Variants in SSUH2 observed in about 807,000 individuals in gnomAD.
SSUH2 encodes protein SSUH2 homolog.
Under a neutral mutation model 55.3 loss-of-function variants are expected in SSUH2, and 47 were observed. The observed-to-expected ratio is 0.85, with a 90% CI of 0.67 to 1.08. The LOEUF is 1.08. Among genes scored for constraint, SSUH2 ranks in the 50% least tolerant of loss-of-function variants. SSUH2 has a pLI of 0.00. For synonymous variants in SSUH2, 212 were observed against 191.5 expected (o/e 1.11, Z -0.89); for missense variants, 535 against 490.7 (o/e 1.09, Z -0.85).
rs1379122899 is a variant in SSUH2 at position 8,673,958 on chromosome 3, G to C, written c.-752-1923C>G. 3.3e-5 allele frequency among the ~76,000 whole-genome samples: 5 copies of C among 152,076 alleles called. No homozygotes were observed. In the East Asian group the frequency reaches 9.7e-4, roughly 29 times the overall value. On this transcript the variant is annotated intron_variant, in intron 3 of 18. Transcript: ENST00000317371. The stretch of plus-strand genomic sequence containing the variant: ...AGGTATGTATACTCCCCTTGATCCC[G>C]ATAACCCTGAAAATCAGCACATGAT...
intron 1 of SSUH2, among the ~76,000 whole-genome samples, chr3:8,681,621 C>T (rs923065482): frequency 2.0e-5 from 3 of 149,430 alleles, no homozygotes; most frequent in Non-Finnish European, 4.5e-5. Flanking sequence ...CTCTTGGGAC[C>T]CCCATCGCAG....
At chr3:8,675,538 C>A (rs191598342) in intron 3 of SSUH2, among the ~76,000 whole-genome samples, 5 of 152,312 alleles carry the variant, frequency 3.3e-5, no homozygotes, top group Admixed American at 6.5e-5. Flanking sequence ...GATCTGCCGA[C>A]AGCAGGTACC....
chr3:8,634,326 C>A (rs1446988703), intron 3 of SSUH2: 4 of 1,215,282 alleles, frequency 3.3e-6, no homozygotes, highest in Non-Finnish European at 3.2e-6. Flanking sequence ...GGGACCCTAA[C>A]CTCGGCCCTC....
chr3:8,663,572 G>C (rs761704752), intron 6 of SSUH2, among the ~76,000 whole-genome samples: 1 of 152,194 alleles, frequency 6.6e-6, no homozygotes, highest in East Asian at 1.9e-4. Context: ...GGGGCGGGGT[G>C]GGGGGTGTCT....
At chr3:8,625,728 G>T in intron 9 of SSUH2, 81 bp from the exon 10 acceptor site, 1 of 971,264 alleles carries the variant, frequency 1.0e-6, no homozygotes, top group Non-Finnish European at 1.6e-6. Context: ...ACAGACCTGG[G>T]GTTGAGGGCT....
chr3:8,632,970 C>T (rs777542629), intron 4 of SSUH2, among the ~76,000 whole-genome samples: 6 of 152,148 alleles, frequency 3.9e-5, no homozygotes, highest in African/African-American at 7.2e-5. Context: ...CTTCTAGCTG[C>T]ATCTTCTTGG....
intron 5 of SSUH2, among the ~76,000 whole-genome samples, chr3:8,669,155 A>C (rs1405928950): frequency 1.3e-5 from 2 of 152,228 alleles, no homozygotes; most frequent in African/African-American, 4.8e-5. Context: ...CAACAATTTT[A>C]ATTATTTGTA....
intron 7 of SSUH2, among the ~76,000 whole-genome samples, chr3:8,628,166 T>C (rs1459805866): frequency 6.6e-6 from 1 of 152,032 alleles, no homozygotes; most frequent in Non-Finnish European, 1.5e-5. Context: ...TAGGCTGTGC[T>C]CCCAGTTGGG....
intron 1 of SSUH2, among the ~76,000 whole-genome samples, chr3:8,643,622 A>G (rs73015932): frequency 0.084 from 12,742 of 152,218 alleles, 635 homozygotes; most frequent in Middle Eastern, 0.17. Context: ...ATTCTGCTTC[A>G]GGTCTAAAAC....
chr3:8,650,127 T>C (rs1227599553), intron 7 of SSUH2, among the ~76,000 whole-genome samples: 1 of 152,128 alleles, frequency 6.6e-6, no homozygotes, highest in East Asian at 1.9e-4. Context: ...AGGCCTTTGC[T>C]CAAATGTCAC....
rs528201817 is a variant in SSUH2, at chr3:8,623,469, G to A, written c.981+80C>T. 648 of 895,962 alleles carry A rather than the reference G, an allele frequency of 7.2e-4. 4 individuals carry two copies. Among genetic ancestry groups the A allele is most frequent in the Middle Eastern group, 5.4e-3 (18 of 3,350 alleles). 55.5% of individuals were successfully genotyped at this position (895,962 alleles called of 1,614,324 possible). A position where few individuals can be genotyped will look rare whatever the true frequency, so the allele number is the denominator to read the frequency against. ...CTCACCTCTACGTCCTCATCCTTCC[G>A]CTCCGACGTTCTCAGGAAAGAGGGC... is the stretch of plus-strand genomic sequence containing the variant. On this transcript the variant is annotated intron_variant, in intron 11 of 11. Coordinates refer to ENST00000544814, the MANE Select transcript of SSUH2 (RefSeq NM_001256748.3).
intron 3 of SSUH2, among the ~76,000 whole-genome samples, chr3:8,673,542 C>A (rs187118488): frequency 6.6e-6 from 1 of 152,282 alleles, no homozygotes; most frequent in African/African-American, 2.4e-5. Context: ...CGAAAAGCCG[C>A]AAGCCCTAAT....
At chr3:8,668,155 T>A (rs1390674332) in intron 5 of SSUH2, among the ~76,000 whole-genome samples, 2 of 152,048 alleles carry the variant, frequency 1.3e-5, no homozygotes, top group Non-Finnish European at 2.9e-5. Flanking sequence ...CTTGTAAAGC[T>A]CTTTCCCTGG....
intron 3 of SSUH2, among the ~76,000 whole-genome samples, chr3:8,675,874 G>T (rs984182974): frequency 6.6e-6 from 1 of 152,076 alleles, no homozygotes; most frequent in African/African-American, 2.4e-5. Flanking sequence ...ATGCGTCACA[G>T]AGAGAAAAGA....
intron 6 of SSUH2, 23 bp downstream of exon 6, chr3:8,630,782 A>G (rs377343650): frequency 2.5e-5 from 34 of 1,357,658 alleles, no homozygotes; most frequent in Non-Finnish European, 3.2e-5. Context: ...CAAGTATTCC[A>G]GTAATCGCGT....
At chr3:8,654,703 A>G (rs1702755774) in intron 7 of SSUH2, among the ~76,000 whole-genome samples, 2 of 152,094 alleles carry the variant, frequency 1.3e-5, no homozygotes, top group African/African-American at 4.8e-5. Context: ...GGCCACTCCA[A>G]GATCACAGTG....
rs1292187213 is a variant in SSUH2 at position 8,635,816 on chromosome 3, G to C, written c.70C>G (p.Pro24Ala). The C allele has an allele frequency of 6.5e-6, 10 of 1,535,902 alleles. No individual in the cohort carries two copies. In the East Asian group the frequency reaches 2.4e-4, roughly 38 times the overall value. The change falls in exon 2 of 12, where the codon CCC becomes GCC. Residue 24 changes from proline to alanine, a missense_variant. Transcript: ENST00000544814. ...AGTCTCTCCAGGAGCTCTGTGGGGG[G>C]CGCCAGAGGACTCTCGGCCTCAAAA... ...LSFEAESPLAPPTELLERLPS... is the reference protein window; with the variant it reads ...LSFEAESPLAAPTELLERLPS...
chr3:8,632,811 T>C (rs1203703961), intron 4 of SSUH2, among the ~76,000 whole-genome samples: 2 of 152,216 alleles, frequency 1.3e-5, no homozygotes, highest in Non-Finnish European at 2.9e-5. Context: ...AAAGAATTTC[T>C]TGGCACAGTC....
chr3:8,661,094 G>A (rs1177662412), intron 6 of SSUH2, among the ~76,000 whole-genome samples: 4 of 152,200 alleles, frequency 2.6e-5, no homozygotes, highest in African/African-American at 4.8e-5. Flanking sequence ...ACTGTCTGAC[G>A]CCGAAGTCCA....
Sources: allele counts gnomAD v4.1 joint callset (sites outside exome capture counted in the v4.1 genomes callset), GRCh38; gene constraint gnomAD v4.1.1; transcripts MANE v1.5; gene names NCBI Gene and HGNC (gene_info 2026-07-23, HGNC 2026-07-21).